Variants in SRBD1 observed in about 807,000 individuals in gnomAD.
The protein encoded by SRBD1 is S1 RNA binding domain 1.
SRBD1 carries 88 observed loss-of-function variants against 115.3 expected under a neutral mutation model. The ratio of observed to expected loss-of-function variants is 0.76; its 90% CI spans 0.64 to 0.91. SRBD1 has a LOEUF of 0.91. Ranked by LOEUF, SRBD1 falls within the 40% of genes least tolerant of loss-of-function variation. The pLI is 0.00. For synonymous variants in SRBD1, 509 were observed against 407.7 expected, an observed-to-expected ratio of 1.25 and a Z score of -2.99; for missense variants, 1,385 against 1,177.4, an observed-to-expected ratio of 1.18 and a Z score of -2.58.
chr2:45,523,696 TA>T (rs142573770), intron 14 of SRBD1, among the ~76,000 whole-genome samples: 7,427 of 148,620 alleles, frequency 0.05, 572 homozygotes, highest in African/African-American at 0.16. Flanking sequence ...AATTTGTAAT[TA>T]AAAAAAAAAT....
rs1217791317 is a variant in SRBD1 at position 45,553,630 on chromosome 2, C to A, written c.1510G>T (p.Glu504Ter). 3 of 1,581,248 alleles carry A rather than the reference C, an allele frequency of 1.9e-6. No individual in the cohort carries two copies. The highest frequency in any genetic ancestry group is 2.6e-6 in the Non-Finnish European group (3 of 1,166,326). The part of the protein sequence containing the change: ...KRLIYPLLCR[E>*]FRAKLTSDAE... ...ACAAGACAAGATATATACCTGAATT[C>A]TCTACAGAGAAGAGGATAAATAAGG... Residue 504 changes from glutamate (E) to a stop codon, truncating the protein, a stop_gained, in exon 11 of 21, where the codon GAA (glutamate) becomes TAA (stop). Coordinates refer to ENST00000263736, the MANE Select transcript of SRBD1 (RefSeq NM_018079.5). LOFTEE classifies it high-confidence loss of function.
intron 19 of SRBD1, among the ~76,000 whole-genome samples, chr2:45,412,138 AT>A (rs1667621931): frequency 6.6e-6 from 1 of 152,086 alleles, no homozygotes; most frequent in Admixed American, 6.6e-5. Context: ...ACAAAAAAAA[AT>A]AAGATGGATG....
At chr2:45,500,661 C>T (rs1295620665) in intron 14 of SRBD1, among the ~76,000 whole-genome samples, 2 of 152,108 alleles carry the variant, frequency 1.3e-5, no homozygotes, top group African/African-American at 4.8e-5. Flanking sequence ...AGCAATCCGC[C>T]CGTTTCGGCC....
intron 16 of SRBD1, among the ~76,000 whole-genome samples, chr2:45,451,585 C>T (rs1181898660): frequency 6.6e-6 from 1 of 151,854 alleles, no homozygotes; most frequent in Non-Finnish European, 1.5e-5. Context: ...CATACAGTAT[C>T]TTCAGAGACA....
intron 18 of SRBD1, among the ~76,000 whole-genome samples, chr2:45,417,973 T>C (rs1024048561): frequency 6.6e-6 from 1 of 152,234 alleles, no homozygotes; most frequent in Non-Finnish European, 1.5e-5. Flanking sequence ...GCTCTCTTTC[T>C]GATCCTTGGA....
intron 19 of SRBD1, among the ~76,000 whole-genome samples, chr2:45,397,028 A>G (rs1667166289): frequency 6.6e-6 from 1 of 152,174 alleles, no homozygotes; most frequent in Non-Finnish European, 1.5e-5. Flanking sequence ...AGACTTTCCT[A>G]CTTGTCTATT....
chr2:45,488,525 A>G (rs1261896423), intron 14 of SRBD1, among the ~76,000 whole-genome samples, 194 bp from the exon 15 acceptor site: 3 of 152,190 alleles, frequency 2.0e-5, no homozygotes, highest in Middle Eastern at 6.3e-3. Context: ...TTTTTTTCAC[A>G]TATGAAATAC....
intron 14 of SRBD1, among the ~76,000 whole-genome samples, chr2:45,510,500 T>C (rs1451305983): frequency 6.6e-6 from 1 of 152,174 alleles, no homozygotes; most frequent in Non-Finnish European, 1.5e-5. Flanking sequence ...TGTTAGACTA[T>C]TTTAGGTGAG....
rs562396533 is a variant in SRBD1, at chr2:45,477,707, G to A, written c.1967-632C>T. On this transcript the variant is annotated intron_variant, in intron 15 of 20. Transcript: ENST00000263736. Reference sequence around the variant, plus strand: ...TGGGATTAGAGGCATGAGCTACTGCGCCCAGCAGAATCATATCTTAATGCA... The same window carrying A: ...TGGGATTAGAGGCATGAGCTACTGCACCCAGCAGAATCATATCTTAATGCA... Among the ~76,000 whole-genome samples, 8 of 152,206 alleles carry A rather than the reference G, an allele frequency of 5.3e-5. No individual in the cohort carries two copies. The South Asian group carries it at 6.2e-4, about 12-fold the overall frequency.
At position 45,389,290 on chromosome 2, in the gene SRBD1, G is replaced by T; in HGVS notation, c.*20C>A. 2 of 1,603,754 alleles carry T rather than the reference G, an allele frequency of 1.2e-6. No homozygotes were observed. The highest frequency in any genetic ancestry group is 1.7e-6 in the Non-Finnish European group (2 of 1,173,278). On this transcript the variant is annotated 3_prime_UTR_variant, in exon 21 of 21. Transcript: ENST00000263736. ...GTGGAAATGAGAAAATAAAATCAGCGTCTGGCCTTCGTGGGATACTCATAA... is the reference window on the plus strand; with the variant it reads ...GTGGAAATGAGAAAATAAAATCAGCTTCTGGCCTTCGTGGGATACTCATAA...
intron 16 of SRBD1, among the ~76,000 whole-genome samples, chr2:45,424,184 A>G (rs1383119681): frequency 2.0e-5 from 3 of 152,126 alleles, no homozygotes; most frequent in African/African-American, 4.8e-5. Flanking sequence ...TTCCCAATCC[A>G]TAATTCAACC....
chr2:45,391,870 T>C (rs1572584030), intron 20 of SRBD1, among the ~76,000 whole-genome samples: 1 of 152,290 alleles, frequency 6.6e-6, no homozygotes, highest in East Asian at 1.9e-4. Flanking sequence ...AGTTACAGCA[T>C]TTTTTGCCAA....
chr2:45,590,807 A>T (rs1424607013), intron 4 of SRBD1, among the ~76,000 whole-genome samples: 1 of 152,182 alleles, frequency 6.6e-6, no homozygotes, highest in Non-Finnish European at 1.5e-5. Flanking sequence ...ACCTGAGGTC[A>T]GGAGTTCGAG....
At chr2:45,460,378 A>T (rs1272751326) in intron 16 of SRBD1, among the ~76,000 whole-genome samples, 2 of 152,210 alleles carry the variant, frequency 1.3e-5, no homozygotes. Context: ...ATTTCACACC[A>T]TATGAGGGGG....
At chr2:45,585,050 T>G (rs1377896251) in intron 5 of SRBD1, among the ~76,000 whole-genome samples, 1 of 151,762 alleles carries the variant, frequency 6.6e-6, no homozygotes. Context: ...CTCGGGAGGC[T>G]GAGGCAGGAG....
intron 4 of SRBD1, among the ~76,000 whole-genome samples, chr2:45,594,182 T>C (rs6544839): frequency 0.051 from 7,820 of 152,274 alleles, 628 homozygotes; most frequent in African/African-American, 0.17. Flanking sequence ...AACTCAGAAA[T>C]GTTGACCACT....
chr2:45,410,527 T>G (rs1667568278), intron 19 of SRBD1, among the ~76,000 whole-genome samples: 1 of 152,212 alleles, frequency 6.6e-6, no homozygotes, highest in Admixed American at 6.5e-5. Context: ...TCCTCCTGTT[T>G]CCCTGCAAAA....
At position 45,426,280 on chromosome 2, in the gene SRBD1, T is replaced by C. The variant is rs1366096247; in HGVS notation, c.2050-6386A>G. Among the ~76,000 whole-genome samples, 3 of 152,352 alleles carry C rather than the reference T, an allele frequency of 2.0e-5. No homozygotes were observed. The East Asian group carries it at 5.8e-4, about 29-fold the overall frequency. On this transcript the variant is annotated intron_variant, in intron 16 of 20. Coordinates refer to ENST00000263736, the MANE Select transcript of SRBD1 (RefSeq NM_018079.5). ...CCACAGCAGCTCTGCAAAGCCACTGTAGCCAGACTGCCTCTCTAGATTCCT... is the reference window on the plus strand; with the variant it reads ...CCACAGCAGCTCTGCAAAGCCACTGCAGCCAGACTGCCTCTCTAGATTCCT...
chr2:45,525,774 T>A (rs1171181370), intron 14 of SRBD1, among the ~76,000 whole-genome samples: 1 of 151,928 alleles, frequency 6.6e-6, no homozygotes, highest in Non-Finnish European at 1.5e-5. Context: ...CATACTATCA[T>A]GTGTTTTATT....
Sources: allele counts gnomAD v4.1 joint callset (sites outside exome capture counted in the v4.1 genomes callset), GRCh38; gene constraint gnomAD v4.1.1; transcripts MANE v1.5; gene names NCBI Gene and HGNC (gene_info 2026-07-23, HGNC 2026-07-21).